Variants in MYO16 observed in about 807,000 individuals in gnomAD.
MYO16 encodes myosin XVI, also known as unconventional myosin-XVI.
In MYO16, 94 loss-of-function variants were observed where a neutral mutation model predicts 205.3. That is an observed-to-expected ratio of 0.46 (90% CI 0.39 to 0.54). The LOEUF (loss-of-function observed/expected upper bound fraction) is 0.54, where lower values mean the gene tolerates loss of function less well. Ranked by LOEUF, MYO16 falls within the 20% of genes least tolerant of loss-of-function variation. The probability of loss-of-function intolerance (pLI) is 0.00; values close to 1 mark genes in which losing one functional copy is unlikely to be tolerated. For missense variants in MYO16, 2,315 were observed against 2,387.5 expected, an observed-to-expected ratio of 0.97 and a Z score of 0.63; for synonymous variants, 988 against 954.0, an observed-to-expected ratio of 1.04 and a Z score of -0.66.
intron 7 of MYO16, among the ~76,000 whole-genome samples, chr13:108,814,991 G>A (rs1364585052): frequency 6.6e-6 from 1 of 152,116 alleles, no homozygotes; most frequent in Non-Finnish European, 1.5e-5. Flanking sequence ...AATGAAAATA[G>A]CAAAGAATCT....
intron 23 of MYO16, among the ~76,000 whole-genome samples, chr13:109,033,676 G>A (rs1014449812): frequency 1.3e-5 from 2 of 152,192 alleles, no homozygotes; most frequent in African/African-American, 2.4e-5. Flanking sequence ...AGACAGACAA[G>A]GGATGCTGAA....
chr13:109,140,227 G>A lies in MYO16; in HGVS notation c.4052-37G>A, dbSNP rs1184012571. 2.5e-6 allele frequency: 4 copies of A among 1,593,690 alleles called. No homozygotes were observed. The highest frequency in any genetic ancestry group is 3.4e-6 in the Non-Finnish European group (4 of 1,177,050). On this transcript the variant is annotated intron_variant, in intron 31 of 34. Transcript: ENST00000457511. This position sits in a 1 kb window ranked among gnomAD's most constrained non-coding sequence, Gnocchi z 8.0. ...GGCTTGGTGGGCACCCGTGGGCCTGGCCTGGCACCCACTGACCGCGTCCTT... is the reference window on the plus strand; with the variant it reads ...GGCTTGGTGGGCACCCGTGGGCCTGACCTGGCACCCACTGACCGCGTCCTT...
At chr13:108,773,412 G>A (rs1886029829) in intron 4 of MYO16, among the ~76,000 whole-genome samples, 1 of 152,138 alleles carries the variant, frequency 6.6e-6, no homozygotes, top group African/African-American at 2.4e-5. Context: ...TGTCAGCACT[G>A]TGATTCCTCT....
chr13:108,653,196 AT>A (rs1881089572), intron 1 of MYO16, among the ~76,000 whole-genome samples: 1 of 152,156 alleles, frequency 6.6e-6, no homozygotes, highest in African/African-American at 2.4e-5. Context: ...CTTTGGAAAA[AT>A]ATCTATTCAA....
At chr13:109,158,180 G>A (rs577584566) in intron 32 of MYO16, among the ~76,000 whole-genome samples, 12 of 152,200 alleles carry the variant, frequency 7.9e-5, no homozygotes, top group African/African-American at 2.4e-4. Context: ...GCTGAACCAC[G>A]TGCTGTCCGT....
At chr13:108,719,016 G>A (rs1445740535) in intron 3 of MYO16, among the ~76,000 whole-genome samples, 11 of 152,068 alleles carry the variant, frequency 7.2e-5, no homozygotes, top group Admixed American at 5.2e-4. Context: ...TACACCACAC[G>A]GGCCTGATTT....
rs36054088 is a variant in MYO16 at position 109,176,577 on chromosome 13, T to TAAAAAAAA, written c.5324-2948_5324-2941dup. Among the ~76,000 whole-genome samples, 110 of 44,934 alleles carry TAAAAAAAA rather than the reference T, an allele frequency of 2.4e-3. 11 individuals carry two copies. The highest frequency in any genetic ancestry group is 0.017 in the Middle Eastern group (1 of 60). The allele number at this position is 44,934 out of a possible 152,430, so 29.5% of individuals were successfully genotyped here. On this transcript the variant is annotated intron_variant, in intron 33 of 34. Coordinates refer to ENST00000457511, the MANE Select transcript of MYO16 (RefSeq NM_001198950.3). Reference sequence around the variant, plus strand: ...GCAGCTAAATAAAATATTGTGCTGGTAAAAAAAAAAAAAAAAAAAAAAAAG... The same window carrying TAAAAAAAA: ...GCAGCTAAATAAAATATTGTGCTGGTAAAAAAAAAAAAAAAAAAAAAAAAAAAAAAAAG...
intron 16 of MYO16, among the ~76,000 whole-genome samples, chr13:108,939,177 G>A (rs1452813048): frequency 6.6e-6 from 1 of 152,200 alleles, no homozygotes; most frequent in Admixed American, 6.5e-5. Context: ...ATTAAAAACG[G>A]CATCCTGTTC....
At chr13:108,596,486 A>C (rs1161887631) in intron 1 of MYO16, among the ~76,000 whole-genome samples, 3 of 152,216 alleles carry the variant, frequency 2.0e-5, no homozygotes, top group Non-Finnish European at 4.4e-5. Flanking sequence ...CTAAAAAAAA[A>C]AGTCCAAATT....
chr13:108,980,648 C>T (rs958623232), intron 20 of MYO16, among the ~76,000 whole-genome samples: 2 of 152,170 alleles, frequency 1.3e-5, no homozygotes, highest in Non-Finnish European at 2.9e-5. Flanking sequence ...GGAGGATGTG[C>T]TTTGCAACAA....
rs73618369 is a variant in MYO16 at position 109,093,791 on chromosome 13, G to A, written c.3336-6994G>A. Reference sequence around the variant, plus strand: ...CCAATGCCTCTCACCTGGACTATAGGAAGGTCCTCCAGATGGCAGCCCTGA... The same window carrying A: ...CCAATGCCTCTCACCTGGACTATAGAAAGGTCCTCCAGATGGCAGCCCTGA... On this transcript the variant is annotated intron_variant, in intron 27 of 34. Coordinates refer to ENST00000457511, the MANE Select transcript of MYO16 (RefSeq NM_001198950.3). Among the ~76,000 whole-genome samples, 660 of 152,146 alleles carry A rather than the reference G, an allele frequency of 4.3e-3. 5 individuals are homozygous for A. The highest frequency in any genetic ancestry group is 0.015 in the African/African-American group (602 of 41,514).
At chr13:108,908,447 G>C (rs1881093816) in intron 15 of MYO16, among the ~76,000 whole-genome samples, 1 of 152,194 alleles carries the variant, frequency 6.6e-6, no homozygotes, top group Non-Finnish European at 1.5e-5. Context: ...CAGATTTGCT[G>C]TAGACAATTA....
In MYO16 at chr13:108,863,471, T is replaced by G. The variant is rs545794032; in HGVS notation, c.1360-2706T>G. On this transcript the variant is annotated intron_variant, in intron 11 of 34. Transcript: ENST00000457511. The stretch of plus-strand genomic sequence containing the variant: ...CAGATGATCATATGTCTTTTTAAGT[T>G]TTTTAAAATATTATTAGTTACAATT... 7.2e-5 allele frequency among the ~76,000 whole-genome samples: 11 copies of G among 152,274 alleles called. No homozygotes were observed. The South Asian group carries it at 2.3e-3, about 32-fold the overall frequency.
At chr13:109,071,234 G>T (rs9301345) in intron 27 of MYO16, among the ~76,000 whole-genome samples, 4 of 151,860 alleles carry the variant, frequency 2.6e-5, no homozygotes, top group Admixed American at 2.6e-4. Flanking sequence ...AAATATTTTC[G>T]CATTTATGAC....
intron 20 of MYO16, among the ~76,000 whole-genome samples, chr13:108,990,810 T>A (rs1424679985): frequency 1.3e-5 from 2 of 152,178 alleles, no homozygotes; most frequent in Non-Finnish European, 2.9e-5. Context: ...TATTACAGAA[T>A]TATGACTACA....
intron 28 of MYO16, among the ~76,000 whole-genome samples, chr13:109,114,047 A>G (rs1047187091): frequency 6.6e-6 from 1 of 152,216 alleles, no homozygotes; most frequent in East Asian, 1.9e-4. Context: ...AGGAGAATTC[A>G]GTGAAGAACT....
chr13:109,120,712 T>C (rs1010328502), intron 29 of MYO16, among the ~76,000 whole-genome samples: 10 of 152,318 alleles, frequency 6.6e-5, no homozygotes, highest in Admixed American at 2.6e-4. Context: ...GACATCCTTT[T>C]TCTGTGGGGC....
At chr13:108,872,684 GTAT>G (rs1467280834) in intron 12 of MYO16, among the ~76,000 whole-genome samples, 1 of 151,100 alleles carries the variant, frequency 6.6e-6, no homozygotes, top group African/African-American at 2.4e-5. Flanking sequence ...TAATATATAA[GTAT>G]TATGATTTTA....
intron 8 of MYO16, among the ~76,000 whole-genome samples, 175 bp downstream of exon 8, chr13:108,820,587 G>A (rs1875914887): frequency 3.3e-5 from 5 of 152,092 alleles, no homozygotes; most frequent in Admixed American, 2.0e-4. Flanking sequence ...CGATGATATA[G>A]GCGATGTGAA....
Sources: gnomAD v4.1 joint callset for allele counts (sites outside exome capture counted in the v4.1 genomes callset) on GRCh38, gnomAD v4.1.1 for gene constraint, Gnocchi (gnomAD v3.1) non-coding constraint, MANE v1.5 for transcripts, NCBI Gene and HGNC (gene_info 2026-07-23, HGNC 2026-07-21) for gene names.